CFDP1: variants seen among roughly 807,000 people sequenced by gnomAD.
CFDP1 encodes the protein chromatin remodeling protein CFDP1, also known as heterochromatin-stabilizing protein CFDP1.
A neutral mutation model predicts 40.1 loss-of-function variants in CFDP1; 31 were observed. The observed-to-expected ratio is 0.77, with a 90% CI of 0.58 to 1.04. The LOEUF is 1.04. Ranked by LOEUF, CFDP1 falls within the 50% of genes least tolerant of loss-of-function variation. The probability of loss-of-function intolerance (pLI) is 0.00; values close to 1 mark genes in which losing one functional copy is unlikely to be tolerated. For missense variants in CFDP1, 423 were observed against 343.4 expected, an observed-to-expected ratio of 1.23 and a Z score of -1.83; for synonymous variants, 167 against 120.0, an observed-to-expected ratio of 1.39 and a Z score of -2.56.
At chr16:75,329,355 CT>C (rs1347031127) in intron 5 of CFDP1, among the ~76,000 whole-genome samples, 1 of 152,168 alleles carries the variant, frequency 6.6e-6, no homozygotes, top group Non-Finnish European at 1.5e-5. Context: ...GTGATTGCCC[CT>C]GGCAAGTGGA....
intron 5 of CFDP1, among the ~76,000 whole-genome samples, chr16:75,325,572 T>G (rs557914316): frequency 3.3e-5 from 5 of 152,226 alleles, no homozygotes; most frequent in Admixed American, 6.5e-5. Flanking sequence ...GTTTATTCTT[T>G]TACTGTCTAT....
chr16:75,350,439 A>C (rs1212632461), intron 5 of CFDP1, among the ~76,000 whole-genome samples: 1 of 152,312 alleles, frequency 6.6e-6, no homozygotes. Context: ...GTGGGTGTGA[A>C]GTATTATCTC....
chr16:75,363,584 C>T (rs978055866), intron 5 of CFDP1, among the ~76,000 whole-genome samples: 4 of 151,942 alleles, frequency 2.6e-5, no homozygotes, highest in Admixed American at 6.6e-5. Context: ...TTAGTAGAGT[C>T]AGGGTTTCAC....
At chr16:75,402,777 G>A (rs886311693) in intron 4 of CFDP1, among the ~76,000 whole-genome samples, 3 of 152,112 alleles carry the variant, frequency 2.0e-5, no homozygotes, top group Non-Finnish European at 1.5e-5. Context: ...GTCCCCTTAT[G>A]AGAATTCCTT....
chr16:75,380,894 C>T (rs2078846722), intron 5 of CFDP1, among the ~76,000 whole-genome samples: 1 of 152,158 alleles, frequency 6.6e-6, no homozygotes, highest in African/African-American at 2.4e-5. Flanking sequence ...AAAGGAAATA[C>T]TGACAGTGAA....
chr16:75,415,482 AG>A (rs929837035), intron 1 of CFDP1, among the ~76,000 whole-genome samples: 3 of 152,244 alleles, frequency 2.0e-5, no homozygotes, highest in African/African-American at 7.2e-5. Context: ...ACTGAACATT[AG>A]CAGCATCCCA....
At chr16:75,310,553 A>G (rs1464764946) in intron 5 of CFDP1, among the ~76,000 whole-genome samples, 1 of 152,208 alleles carries the variant, frequency 6.6e-6, no homozygotes, top group Non-Finnish European at 1.5e-5. Flanking sequence ...CAAAAATGTC[A>G]TTGTAACTAA....
intron 5 of CFDP1, among the ~76,000 whole-genome samples, chr16:75,324,292 A>G (rs1051411670): frequency 1.3e-5 from 2 of 152,122 alleles, no homozygotes; most frequent in African/African-American, 2.4e-5. Flanking sequence ...GGGATAGAGA[A>G]GTCCACAACG....
At chr16:75,359,483 T>C (rs147496876) in intron 5 of CFDP1, among the ~76,000 whole-genome samples, 68 of 152,326 alleles carry the variant, frequency 4.5e-4, no homozygotes, top group African/African-American at 1.6e-3. Flanking sequence ...AGCTAGTCTA[T>C]TCAATGATGC....
intron 5 of CFDP1, among the ~76,000 whole-genome samples, chr16:75,391,999 A>G (rs942881675): frequency 6.6e-6 from 1 of 152,102 alleles, no homozygotes; most frequent in African/African-American, 2.4e-5. Context: ...ATAAATAAAT[A>G]AAGCTACTGG....
intron 5 of CFDP1, among the ~76,000 whole-genome samples, chr16:75,357,113 A>T (rs1274920926): frequency 6.6e-6 from 1 of 151,874 alleles, no homozygotes; most frequent in Non-Finnish European, 1.5e-5. Flanking sequence ...GGCTTTTGCC[A>T]TGTTGGCGAG....
At chr16:75,316,177 GC>G (rs1223098530) in intron 5 of CFDP1, among the ~76,000 whole-genome samples, 1 of 152,196 alleles carries the variant, frequency 6.6e-6, no homozygotes, top group Non-Finnish European at 1.5e-5. Flanking sequence ...TGTCAGGTCA[GC>G]CCATCCTGGC....
intron 5 of CFDP1, among the ~76,000 whole-genome samples, chr16:75,337,989 T>C (rs961163811): frequency 6.6e-6 from 1 of 152,170 alleles, no homozygotes; most frequent in Non-Finnish European, 1.5e-5. Context: ...TCAGAGCCAA[T>C]CAACTTTGTC....
intron 5 of CFDP1, among the ~76,000 whole-genome samples, chr16:75,358,756 T>C (rs887582770): frequency 1.3e-5 from 2 of 152,220 alleles, no homozygotes; most frequent in Non-Finnish European, 2.9e-5. Flanking sequence ...GACCTGACAG[T>C]ATCTGCTGGC....
intron 5 of CFDP1, among the ~76,000 whole-genome samples, chr16:75,370,234 A>C (rs2151539171): frequency 6.6e-6 from 1 of 151,946 alleles, no homozygotes; most frequent in East Asian, 1.9e-4. Flanking sequence ...CTGGGATTAC[A>C]GGTGCCTGCC....
chr16:75,433,243 C>A (rs1362074291), intron 1 of CFDP1, 46 bp downstream of exon 1: 1 of 1,544,102 alleles, frequency 6.5e-7, no homozygotes. Context: ...TCACGTGAGG[C>A]GTGGGGCGGG....
chr16:75,334,442 G>GCCC (rs942930709), intron 5 of CFDP1, among the ~76,000 whole-genome samples: 1 of 150,108 alleles, frequency 6.7e-6, no homozygotes, highest in African/African-American at 2.5e-5. Flanking sequence ...TGGGATACAA[G>GCCC]CCCCAGAAAT....
rs1198212803 is a variant in CFDP1 at position 75,349,630 on chromosome 16, G to A, written c.651-44448C>T. On this transcript the variant is annotated intron_variant, in intron 5 of 6. Coordinates refer to ENST00000283882, the MANE Select transcript of CFDP1 (RefSeq NM_006324.3). The stretch of plus-strand genomic sequence containing the variant: ...TGTGCTGCTGTACCCCAGCCTGGGC[G>A]ACAGAGCGAGACTCCGTCTCAAAAA... Among the ~76,000 whole-genome samples the A allele has an allele frequency of 2.1e-4, 24 of 115,882 alleles. No individual in the cohort carries two copies. In the South Asian group the frequency reaches 5.5e-3, roughly 27 times the overall value. 76.0% of individuals were successfully genotyped at this position (115,882 alleles called of 152,430 possible).
At chr16:75,415,458 C>T (rs1436766727) in intron 1 of CFDP1, among the ~76,000 whole-genome samples, 1 of 152,190 alleles carries the variant, frequency 6.6e-6, no homozygotes, top group Non-Finnish European at 1.5e-5. Flanking sequence ...ATAACCAGGG[C>T]CCCAGCTCGA....
Sources: gnomAD v4.1 joint callset for allele counts (sites outside exome capture counted in the v4.1 genomes callset) on GRCh38, gnomAD v4.1.1 for gene constraint, MANE v1.5 for transcripts, NCBI Gene and HGNC (gene_info 2026-07-23, HGNC 2026-07-21) for gene names.